Variants in ADAM2 observed in about 807,000 individuals in gnomAD.
The protein encoded by ADAM2 is ADAM metallopeptidase domain 2, also known as disintegrin and metalloproteinase domain-containing protein 2.
ADAM2 carries 101 observed loss-of-function variants against 99.3 expected under a neutral mutation model. The observed-to-expected ratio is 1.02, with a 90% CI of 0.87 to 1.20. ADAM2 has a LOEUF of 1.20. Among genes scored for constraint, ADAM2 ranks in the 50% most tolerant of loss-of-function variants. ADAM2 has a pLI of 0.00. For missense variants in ADAM2, 948 were observed against 878.7 expected, an observed-to-expected ratio of 1.08 and a Z score of -1.00; for synonymous variants, 323 against 287.6, an observed-to-expected ratio of 1.12 and a Z score of -1.25.
intron 7 of ADAM2, among the ~76,000 whole-genome samples, chr8:39,795,801 T>C (rs1032950521): frequency 1.3e-5 from 2 of 152,136 alleles, no homozygotes; most frequent in Non-Finnish European, 2.9e-5. Context: ...TTATATACTT[T>C]TGGCATCTTG....
chr8:39,794,165 T>C (rs1472304156), intron 7 of ADAM2, among the ~76,000 whole-genome samples: 1 of 152,138 alleles, frequency 6.6e-6, no homozygotes, highest in Non-Finnish European at 1.5e-5. Flanking sequence ...CCTGCTTCTG[T>C]GTATGTTGAT....
chr8:39,785,199 A>G (rs1222883558), intron 10 of ADAM2, among the ~76,000 whole-genome samples: 1 of 152,220 alleles, frequency 6.6e-6, no homozygotes, highest in Non-Finnish European at 1.5e-5. Flanking sequence ...ACATTTAAAT[A>G]TTTAATCCAT....
At chr8:39,787,077 T>C (rs781198456) in intron 9 of ADAM2, 22 bp from the exon 10 acceptor site, 1 of 1,439,326 alleles carries the variant, frequency 6.9e-7, no homozygotes, top group Non-Finnish European at 9.5e-7. Context: ...AAAGGGATCA[T>C]AATCATATAA....
intron 14 of ADAM2, among the ~76,000 whole-genome samples, chr8:39,764,740 G>T (rs960857285): frequency 1.3e-5 from 2 of 152,090 alleles, no homozygotes; most frequent in African/African-American, 2.4e-5. Context: ...CAGGCCAGGC[G>T]CAGTGGCTCA....
intron 4 of ADAM2, among the ~76,000 whole-genome samples, chr8:39,824,429 T>G (rs1218034153): frequency 6.6e-6 from 1 of 152,188 alleles, no homozygotes; most frequent in Non-Finnish European, 1.5e-5. Flanking sequence ...CCTAAACGTG[T>G]GTGAAACTTC....
chr8:39,752,247 T>C, intron 16 of ADAM2, among the ~76,000 whole-genome samples: 1 of 152,140 alleles, frequency 6.6e-6, no homozygotes, highest in East Asian at 1.9e-4. Context: ...GCAGGTTATA[T>C]CAAACTTTCA....
intron 6 of ADAM2, among the ~76,000 whole-genome samples, chr8:39,815,325 T>A (rs1287752449): frequency 6.6e-6 from 1 of 152,162 alleles, no homozygotes; most frequent in African/African-American, 2.4e-5. Context: ...ATATTACACA[T>A]AATAAAATGA....
Position 39,761,160 on chromosome 8 carries a change from A to T in ADAM2, c.1613+16T>A. 1 of 1,485,380 alleles carries T rather than the reference A, an allele frequency of 6.7e-7. No individual in the cohort carries two copies. Among genetic ancestry groups the T allele is most frequent in the Non-Finnish European group, 9.1e-7 (1 of 1,098,356 alleles). The allele number at this position is 1,485,380 out of a possible 1,614,324, so 92.0% of individuals were successfully genotyped here. ...GTGATAAATAGAAGTTCTAAGACAG[A>T]TTTCTGAAAACATACTCAGCTTCAC... is the stretch of plus-strand genomic sequence containing the variant. On this transcript the variant is annotated intron_variant, in intron 15 of 20. Coordinates refer to ENST00000265708, the MANE Select transcript of ADAM2 (RefSeq NM_001464.5).
chr8:39,816,262 A>C (rs1804938512), intron 6 of ADAM2, among the ~76,000 whole-genome samples: 1 of 152,144 alleles, frequency 6.6e-6, no homozygotes, highest in South Asian at 2.1e-4. Context: ...ACGCCATTGC[A>C]CTCCAGCCTG....
At position 39,749,868 on chromosome 8, in the gene ADAM2, G is replaced by T. The variant is rs1823652104; in HGVS notation, c.1798-124C>A. Reference sequence around the variant, plus strand: ...AAAAAGGGTATTGATTTAGCAACAAGAATTAGTATACTAACAATGAATAGT... The same window carrying T: ...AAAAAGGGTATTGATTTAGCAACAATAATTAGTATACTAACAATGAATAGT... On this transcript the variant is annotated intron_variant, in intron 16 of 20. Coordinates refer to ENST00000265708, the MANE Select transcript of ADAM2 (RefSeq NM_001464.5). 49 of 627,086 alleles carry T rather than the reference G, an allele frequency of 7.8e-5. No individual in the cohort carries two copies. In the South Asian group the frequency reaches 8.8e-4, roughly 11 times the overall value. The allele number at this position is 627,086 out of a possible 1,614,324, so 38.8% of individuals were successfully genotyped here.
chr8:39,788,739 T>C lies in ADAM2; in HGVS notation c.572A>G (p.Tyr191Cys). 6.8e-7 allele frequency: 1 copy of C among 1,475,674 alleles called. No individual in the cohort carries two copies. Among genetic ancestry groups the C allele is most frequent in the Non-Finnish European group, 9.2e-7 (1 of 1,089,572 alleles). 91.4% of individuals were successfully genotyped at this position (1,475,674 alleles called of 1,614,324 possible). ...AGTTGTATCAGACCCCATATGATTATACTGTAAAATATTATTACATTTTAG... is the reference window on the plus strand; with the variant it reads ...AGTTGTATCAGACCCCATATGATTACACTGTAAAATATTATTACATTTTAG... ...EMHVIVEKQL[Y>C]NHMGSDTTVV... The change falls in exon 8 of 21, where the codon TAT becomes TGT. Residue 191 changes from tyrosine (Y) to cysteine (C), a missense_variant and splice_region_variant. Physicochemically the swap from Tyr to Cys is radical, Grantham distance 194. Coordinates refer to ENST00000265708, the MANE Select transcript of ADAM2 (RefSeq NM_001464.5).
chr8:39,807,947 T>C (rs7465379), intron 7 of ADAM2, among the ~76,000 whole-genome samples: 110,297 of 152,052 alleles, frequency 0.73, 40,999 homozygotes, highest in African/African-American at 0.89. Context: ...ACAGTAACAA[T>C]GACAACAACA....
intron 2 of ADAM2, 27 bp downstream of exon 2, chr8:39,837,109 T>C: frequency 1.3e-6 from 2 of 1,519,302 alleles, no homozygotes; most frequent in Non-Finnish European, 1.8e-6. Flanking sequence ...CATTTTAAAT[T>C]TGTAAATACT....
intron 7 of ADAM2, among the ~76,000 whole-genome samples, chr8:39,796,386 G>A (rs1803947876): frequency 6.6e-6 from 1 of 152,088 alleles, no homozygotes; most frequent in South Asian, 2.1e-4. Context: ...CCTTTTTTAG[G>A]TAGCATAGTA....
chr8:39,818,982 A>T (rs547361143), intron 6 of ADAM2, among the ~76,000 whole-genome samples: 1 of 152,150 alleles, frequency 6.6e-6, no homozygotes, highest in Non-Finnish European at 1.5e-5. Context: ...TTATCTACAG[A>T]TTCAACACAA....
intron 20 of ADAM2, among the ~76,000 whole-genome samples, chr8:39,744,438 A>AC (rs559212737): frequency 2.4e-4 from 36 of 150,436 alleles, no homozygotes; most frequent in Admixed American, 1.3e-3. Flanking sequence ...CCTCCCCCCA[A>AC]CCCCCCCATC....
intron 7 of ADAM2, among the ~76,000 whole-genome samples, chr8:39,793,475 G>T (rs935540601): frequency 2.6e-5 from 4 of 152,106 alleles, no homozygotes; most frequent in Non-Finnish European, 5.9e-5. Context: ...TCCATTGGGA[G>T]AATTTTTTAA....
chr8:39,756,186 A>T (rs1802146139), intron 15 of ADAM2, among the ~76,000 whole-genome samples: 1 of 152,194 alleles, frequency 6.6e-6, no homozygotes. Context: ...CACCAACCTA[A>T]TATTCCCTAG....
chr8:39,776,929 T>C, intron 11 of ADAM2, 96 bp downstream of exon 11: 2 of 769,720 alleles, frequency 2.6e-6, no homozygotes, highest in Admixed American at 5.2e-5. Context: ...TCACAGCTGA[T>C]CGCCATTATT....
Sources: gnomAD v4.1 joint callset for allele counts (sites outside exome capture counted in the v4.1 genomes callset) on GRCh38, gnomAD v4.1.1 for gene constraint, MANE v1.5 for transcripts, NCBI Gene and HGNC (gene_info 2026-07-23, HGNC 2026-07-21) for gene names.